The following TFEB variants were observed in gnomAD, a reference collection of about 807,000 sequenced individuals.
TFEB encodes the protein T-cell transcription factor EB.
Under a neutral mutation model 48.0 loss-of-function variants are expected in TFEB, and 12 were observed. The observed-to-expected ratio is 0.25, with a 90% CI of 0.16 to 0.40. The LOEUF (loss-of-function observed/expected upper bound fraction) is 0.40, where lower values mean the gene tolerates loss of function less well. TFEB is among the 10% of genes least tolerant of loss of function. TFEB has a pLI of 1.00. For synonymous variants in TFEB, 244 were observed against 261.4 expected, an observed-to-expected ratio of 0.93 and a Z score of 0.64; for missense variants, 509 against 640.3, an observed-to-expected ratio of 0.79 and a Z score of 2.21.
chr6:41,703,731 G>A (rs907399953), intron 1 of TFEB, among the ~76,000 whole-genome samples: 1 of 152,214 alleles, frequency 6.6e-6, no homozygotes, highest in Non-Finnish European at 1.5e-5. Context: ...CAAACCAAGA[G>A]GCATTAGTAC....
rs1771586663 is a variant in TFEB, at chr6:41,734,464, G to A, written c.-23+886C>T. 7.3e-6 allele frequency: 6 copies of A among 824,478 alleles called. No homozygotes were observed. The highest frequency in any genetic ancestry group is 8.8e-6 in the Non-Finnish European group (6 of 683,464). The allele number at this position is 824,478 out of a possible 1,614,324, so 51.1% of individuals were successfully genotyped here. ...GCCCGCTCCCTTCCAGGAGGCGAGC[G>A]GACGCGCTGGGCCAGAGCTGGTCGG... On this transcript the variant is annotated intron_variant, in intron 1 of 8. Transcript: ENST00000373033. This position sits in a 1 kb window ranked among gnomAD's most constrained non-coding sequence, Gnocchi z 4.0.
intron 1 of TFEB, among the ~76,000 whole-genome samples, chr6:41,704,226 G>T (rs1029262600): frequency 2.0e-5 from 3 of 152,214 alleles, no homozygotes; most frequent in African/African-American, 7.2e-5. Context: ...CATCTGTCCT[G>T]AGTCCGCCCT....
At chr6:41,697,236 T>C (rs539936638) in intron 1 of TFEB, among the ~76,000 whole-genome samples, 79 of 151,620 alleles carry the variant, frequency 5.2e-4, no homozygotes, top group East Asian at 1.9e-4. Context: ...GGTGAAACCC[T>C]GTCTCTACTA....
intron 1 of TFEB, among the ~76,000 whole-genome samples, chr6:41,729,405 C>T (rs1274798432): frequency 1.3e-5 from 2 of 152,202 alleles, no homozygotes; most frequent in African/African-American, 2.4e-5. Context: ...TTAACAACAA[C>T]TACGATTCAA....
At chr6:41,726,928 A>C (rs1006087852) in intron 1 of TFEB, among the ~76,000 whole-genome samples, 12 of 152,218 alleles carry the variant, frequency 7.9e-5, no homozygotes, top group African/African-American at 2.7e-4. Context: ...ATGACAACCT[A>C]TAGTTAGGCA....
At chr6:41,692,625 A>G (rs1236135157) in intron 1 of TFEB, among the ~76,000 whole-genome samples, 2 of 152,218 alleles carry the variant, frequency 1.3e-5, no homozygotes, top group Admixed American at 6.5e-5. Context: ...TAGCTCATTG[A>G]CTGACCCTAG....
intron 1 of TFEB, among the ~76,000 whole-genome samples, chr6:41,716,700 A>G (rs1319872939): frequency 2.0e-5 from 3 of 152,070 alleles, no homozygotes; most frequent in Non-Finnish European, 2.9e-5. Context: ...TGGCTGCACC[A>G]GATGTTGGCA....
At position 41,690,672 on chromosome 6, in the gene TFEB, A is replaced by G. The variant is rs1769254738; in HGVS notation, c.459T>C (p.Pro153=). The change falls in exon 3 of 9, where the codon CCT becomes CCC. Residue 153 remains proline, a synonymous_variant. Transcript: ENST00000373033. ...PMAMLHIGSN[P]ERELDDVIDN... ...CCAGCTCCTCACTCACCTCCCTCTC[A>G]GGGTTGGAGCCAATGTGCAGCATGG... The G allele has an allele frequency of 1.3e-6, 2 of 1,521,038 alleles. No homozygotes were observed. The highest frequency in any genetic ancestry group is 1.8e-6 in the Non-Finnish European group (2 of 1,129,632). The allele number at this position is 1,521,038 out of a possible 1,614,324, so 94.2% of individuals were successfully genotyped here. A position where few individuals can be genotyped will look rare whatever the true frequency, so the allele number is the denominator to read the frequency against.
chr6:41,701,743 G>A (rs868279320), intron 1 of TFEB, among the ~76,000 whole-genome samples: 1 of 151,974 alleles, frequency 6.6e-6, no homozygotes. Flanking sequence ...TCAGGAGTTC[G>A]AGACCAGCCT....
intron 1 of TFEB, among the ~76,000 whole-genome samples, chr6:41,704,398 C>A (rs900796350): frequency 2.6e-5 from 4 of 152,234 alleles, no homozygotes; most frequent in African/African-American, 9.6e-5. Context: ...GGCGGTAATG[C>A]CACCTTCCTC....
chr6:41,728,684 G>T (rs192310876), intron 1 of TFEB, among the ~76,000 whole-genome samples: 12 of 152,090 alleles, frequency 7.9e-5, no homozygotes, highest in South Asian at 2.1e-4. Flanking sequence ...ACTCGGGGAG[G>T]GGGGGTTGGG....
chr6:41,694,287 G>A (rs1378306468), intron 1 of TFEB, among the ~76,000 whole-genome samples: 1 of 152,190 alleles, frequency 6.6e-6, no homozygotes, highest in African/African-American at 2.4e-5. Flanking sequence ...CAGAATCTGG[G>A]TGAGCCTCCT....
intron 6 of TFEB, 122 bp downstream of exon 6, chr6:41,687,631 G>A (rs1769078102): frequency 4.0e-6 from 5 of 1,254,468 alleles, no homozygotes; most frequent in Non-Finnish European, 5.7e-6. Context: ...TAAGCCATCT[G>A]CAAGTGAATT....
chr6:41,735,635 G>A, upstream of TFEB: 4 of 903,098 alleles, frequency 4.4e-6, no homozygotes, highest in Non-Finnish European at 1.3e-6. Context: ...GCCCGGCAGA[G>A]GGCAGCACCC....
At chr6:41,706,911 A>C (rs1455620721) in intron 1 of TFEB, among the ~76,000 whole-genome samples, 2 of 152,148 alleles carry the variant, frequency 1.3e-5, no homozygotes, top group African/African-American at 4.8e-5. Context: ...CACCATAAGA[A>C]GCACTCTGCC....
At chr6:41,733,623 G>A (rs924182630) in intron 1 of TFEB, 2 of 985,468 alleles carry the variant, frequency 2.0e-6, no homozygotes, top group Non-Finnish European at 2.4e-6. Context: ...CGAGTTGCTC[G>A]TGGTCCTGGG....
chr6:41,733,901 C>A lies in TFEB; in HGVS notation c.-23+1449G>T, dbSNP rs574651394. 400 of 985,838 alleles carry A rather than the reference C, an allele frequency of 4.1e-4. 2 individuals carry two copies. The South Asian group carries it at 5.6e-3, about 14-fold the overall frequency. The allele number at this position is 985,838 out of a possible 1,614,324, so 61.1% of individuals were successfully genotyped here. A position where few individuals can be genotyped will look rare whatever the true frequency, so the allele number is the denominator to read the frequency against. ...GACCAGCCTCCAACCTCATCCCCAG[C>A]TGCCCAACAGTGCCAGGTCTGGGCC... On this transcript the variant is annotated intron_variant, in intron 1 of 8. Transcript: ENST00000373033.
chr6:41,698,327 G>C (rs6916515), intron 1 of TFEB, among the ~76,000 whole-genome samples: 2 of 152,082 alleles, frequency 1.3e-5, no homozygotes, highest in Non-Finnish European at 2.9e-5. Flanking sequence ...GGGTGAGGGC[G>C]GCCACGTTTT....
At chr6:41,709,144 T>C (rs6930504) in intron 1 of TFEB, among the ~76,000 whole-genome samples, 90,958 of 152,090 alleles carry the variant, frequency 0.6, 27,642 homozygotes, top group African/African-American at 0.7. Context: ...TTGGCATGCC[T>C]GTTCATTCAA....
Sources: allele counts gnomAD v4.1 joint callset (sites outside exome capture counted in the v4.1 genomes callset), GRCh38; gene constraint gnomAD v4.1.1; non-coding constraint Gnocchi (gnomAD v3.1); transcripts MANE v1.5; gene names NCBI Gene and HGNC (gene_info 2026-07-23, HGNC 2026-07-21).